RNF8: variants seen among roughly 807,000 people sequenced by gnomAD.
RNF8 encodes the protein ring finger protein 8.
In RNF8, 8 loss-of-function variants were observed where a neutral mutation model predicts 59.3. That is an observed-to-expected ratio of 0.13 (90% CI 0.08 to 0.24). The LOEUF (loss-of-function observed/expected upper bound fraction) is 0.24, where lower values mean the gene tolerates loss of function less well. Among genes scored for constraint, RNF8 ranks in the 10% least tolerant of loss-of-function variants. The pLI is 1.00. For synonymous variants in RNF8, 162 were observed against 200.0 expected, an observed-to-expected ratio of 0.81 and a Z score of 1.60; for missense variants, 406 against 572.6, an observed-to-expected ratio of 0.71 and a Z score of 2.97.
At chr6:37,361,176 A>T (rs2113815549) in intron 2 of RNF8, 1 of 450,608 alleles carries the variant, frequency 2.2e-6, no homozygotes, top group Middle Eastern at 7.0e-4. Flanking sequence ...ATTAGAAAGT[A>T]CCTAATGTGC....
chr6:37,385,343 G>T (rs114944499), intron 7 of RNF8, among the ~76,000 whole-genome samples: 10,654 of 150,750 alleles, frequency 0.071, 419 homozygotes, highest in South Asian at 0.12. Flanking sequence ...AACAATGTAT[G>T]CAGGGCGGGT....
intron 6 of RNF8, among the ~76,000 whole-genome samples, chr6:37,379,908 T>G (rs1770182588): frequency 1.3e-5 from 2 of 152,142 alleles, no homozygotes; most frequent in South Asian, 2.1e-4. Flanking sequence ...TATTGTTTGT[T>G]TTTGTTTGTT....
At chr6:37,384,688 A>G (rs1364887710) in intron 7 of RNF8, among the ~76,000 whole-genome samples, 1 of 152,234 alleles carries the variant, frequency 6.6e-6, no homozygotes, top group Non-Finnish European at 1.5e-5. Flanking sequence ...GGCAAAGCCC[A>G]GGCTCTGAAG....
At chr6:37,382,700 C>T (rs1770323919) in intron 7 of RNF8, among the ~76,000 whole-genome samples, 1 of 152,180 alleles carries the variant, frequency 6.6e-6, no homozygotes, top group South Asian at 2.1e-4. Flanking sequence ...AAAGAAAAGG[C>T]TGGGCACGGT....
rs368729470 is a variant in RNF8, at chr6:37,354,189, A to C, written c.25A>C (p.Thr9Pro). The change falls in exon 1 of 8, where the codon ACA (threonine) becomes CCA (proline). Residue 9 changes from threonine (T) to proline (P), a missense_variant. Physicochemically the swap from Thr to Pro is conservative, Grantham distance 38. Coordinates refer to ENST00000373479, the MANE Select transcript of RNF8 (RefSeq NM_003958.4). ...GATGGGGGAGCCCGGCTTCTTCGTC[A>C]CAGGAGACCGCGCCGGTGGCCGGAG... MGEPGFFV[T>P]GDRAGGRSWC... The C allele has an allele frequency of 6.3e-7, 1 of 1,583,152 alleles. No homozygotes were observed. Among genetic ancestry groups the C allele is most frequent in the Non-Finnish European group, 8.6e-7 (1 of 1,165,578 alleles).
At position 37,391,801 on chromosome 6, in the gene RNF8, T is replaced by C. The variant is rs1770733336; in HGVS notation, c.*1043T>C. The C allele has an allele frequency of 6.6e-6, 1 of 152,232 alleles. No individual in the cohort carries two copies. The highest frequency in any genetic ancestry group is 1.5e-5 in the Non-Finnish European group (1 of 68,080). 9.4% of individuals were successfully genotyped at this position (152,232 alleles called of 1,614,324 possible). Reference sequence around the variant, plus strand: ...CCAAGTAGCTGGGACTACAGGCATATGCCATCACACCCAGCTAATTTTTGT... The same window carrying C: ...CCAAGTAGCTGGGACTACAGGCATACGCCATCACACCCAGCTAATTTTTGT... On this transcript the variant is annotated 3_prime_UTR_variant, in exon 8 of 8. Transcript: ENST00000373479.
chr6:37,387,490 G>A (rs1358225936), intron 7 of RNF8, among the ~76,000 whole-genome samples: 2 of 152,074 alleles, frequency 1.3e-5, no homozygotes, highest in Admixed American at 6.6e-5. Context: ...ACAGGCGTGC[G>A]CCACCATGCC....
At chr6:37,378,825 A>G (rs1770131400) in intron 6 of RNF8, among the ~76,000 whole-genome samples, 1 of 152,012 alleles carries the variant, frequency 6.6e-6, no homozygotes, top group Admixed American at 6.6e-5. Context: ...GACAGGGCTT[A>G]TGGACTCTAT....
At chr6:37,359,119 CA>C (rs1023116344) in intron 1 of RNF8, 7 of 409,014 alleles carry the variant, frequency 1.7e-5, no homozygotes, top group African/African-American at 1.5e-4. Context: ...AATTAACAAA[CA>C]AAAAAGAATA....
chr6:37,373,063 C>A (rs755226539), intron 4 of RNF8, among the ~76,000 whole-genome samples: 18 of 152,298 alleles, frequency 1.2e-4, no homozygotes, highest in Non-Finnish European at 2.2e-4. Flanking sequence ...CATGCTGATA[C>A]TTTTGAAAGC....
chr6:37,392,414 C>T lies in RNF8; in HGVS notation c.*1656C>T, dbSNP rs1397869566. ...GTTTGAAATTAAAGGTACAAAATGG[C>T]GTAGAATGAAATGCCTCTCACCCTT... On this transcript the variant is annotated 3_prime_UTR_variant, in exon 8 of 8. Transcript: ENST00000373479. 2 of 398,354 alleles carry T rather than the reference C, an allele frequency of 5.0e-6. No individual in the cohort carries two copies. Among genetic ancestry groups the T allele is most frequent in the Non-Finnish European group, 8.8e-6 (2 of 226,032 alleles). 24.7% of individuals were successfully genotyped at this position (398,354 alleles called of 1,614,324 possible).
Position 37,368,985 on chromosome 6 carries a change from A to G in RNF8, c.742A>G (p.Met248Val). 2 of 1,614,240 alleles carry G rather than the reference A, an allele frequency of 1.2e-6. No homozygotes were observed. Among genetic ancestry groups the G allele is most frequent in the Non-Finnish European group, 1.7e-6 (2 of 1,180,042 alleles). Reference sequence around the variant, plus strand: ...TTCAGCATCTCAGAGAAGCTTACAGATGTTTAAGGTGACCATGTCCAGGAT... The same window carrying G: ...TTCAGCATCTCAGAGAAGCTTACAGGTGTTTAAGGTGACCATGTCCAGGAT... ...NSSASQRSLQMFKVTMSRILR... is the reference protein window; with the variant it reads ...NSSASQRSLQVFKVTMSRILR... The change falls in exon 3 of 8, where the codon ATG becomes GTG. Residue 248 changes from methionine (M) to valine (V), a missense_variant. Transcript: ENST00000373479.
rs934427048 is a variant in RNF8 at position 37,392,818 on chromosome 6, T to G, written c.*2060T>G. 1 of 396,032 alleles carries G rather than the reference T, an allele frequency of 2.5e-6. No homozygotes were observed. Among genetic ancestry groups the G allele is most frequent in the Non-Finnish European group, 4.4e-6 (1 of 225,138 alleles). The allele number at this position is 396,032 out of a possible 1,614,324, so 24.5% of individuals were successfully genotyped here. ...GAAGATATTTTAAAAAGAAATACCT[T>G]TTTAAAAATTATTTTATTATTTTTT... is the stretch of plus-strand genomic sequence containing the variant. On this transcript the variant is annotated 3_prime_UTR_variant, in exon 8 of 8. Transcript: ENST00000373479.
intron 6 of RNF8, among the ~76,000 whole-genome samples, chr6:37,377,826 T>C (rs1770084936): frequency 6.6e-6 from 1 of 152,252 alleles, no homozygotes; most frequent in Non-Finnish European, 1.5e-5. Context: ...AAGTTGAATA[T>C]ATTTCAGGGA....
intron 1 of RNF8, among the ~76,000 whole-genome samples, chr6:37,354,692 A>G (rs531170557): frequency 3.6e-4 from 54 of 149,828 alleles, no homozygotes; most frequent in African/African-American, 1.1e-3. Flanking sequence ...ACGCGCAGGG[A>G]ACGTGAGGAG....
chr6:37,378,677 G>C (rs1770125370), intron 6 of RNF8, among the ~76,000 whole-genome samples: 1 of 151,898 alleles, frequency 6.6e-6, no homozygotes, highest in Admixed American at 6.6e-5. Context: ...GGGAAGTTGG[G>C]TCTGTTAGCC....
intron 7 of RNF8, among the ~76,000 whole-genome samples, chr6:37,385,571 G>A (rs1280740389): frequency 1.3e-5 from 2 of 151,902 alleles, no homozygotes; most frequent in East Asian, 3.9e-4. Context: ...AGGTTGCAGT[G>A]AGCCGAGATC....
chr6:37,390,821 G>A lies in RNF8; in HGVS notation c.*63G>A, dbSNP rs143785784. On this transcript the variant is annotated 3_prime_UTR_variant, in exon 8 of 8. Coordinates refer to ENST00000373479, the MANE Select transcript of RNF8 (RefSeq NM_003958.4). ...AGTGCGAGCCTGAGATGGTCTGGAG[G>A]ATTCTCTCTAGCCGTGACTCCGCTG... The A allele has an allele frequency of 2.0e-5, 33 of 1,613,952 alleles. No individual in the cohort carries two copies. Among genetic ancestry groups the A allele is most frequent in the Non-Finnish European group, 2.5e-5 (29 of 1,179,946 alleles).
At chr6:37,374,552 A>C in intron 4 of RNF8, 68 bp from the exon 5 acceptor site, 1 of 1,168,376 alleles carries the variant, frequency 8.6e-7, no homozygotes, top group South Asian at 1.3e-5. Context: ...GAGAACAGGC[A>C]TGTTTGTGGC....
Sources: allele counts gnomAD v4.1 joint callset (sites outside exome capture counted in the v4.1 genomes callset), GRCh38; gene constraint gnomAD v4.1.1; transcripts MANE v1.5; gene names NCBI Gene and HGNC (gene_info 2026-07-23, HGNC 2026-07-21).